The following LARGE1 variants were observed in gnomAD, a reference collection of about 807,000 sequenced individuals.
The protein encoded by LARGE1 is xylosyl- and glucuronyltransferase LARGE1.
In LARGE1, 43 loss-of-function variants were observed where a neutral mutation model predicts 87.6. That is an observed-to-expected ratio of 0.49 (90% CI 0.38 to 0.63). The LOEUF (loss-of-function observed/expected upper bound fraction) is 0.63. LARGE1 is among the 30% of genes least tolerant of loss of function. LARGE1 has a pLI of 0.00. For synonymous variants in LARGE1, 434 were observed against 394.6 expected (o/e 1.10, Z -1.18); for missense variants, 802 against 1,000.2 (o/e 0.80, Z 2.67).
chr22:33,366,363 A>G (rs1229630158), intron 9 of LARGE1, among the ~76,000 whole-genome samples: 2 of 152,222 alleles, frequency 1.3e-5, no homozygotes, highest in South Asian at 2.1e-4. Flanking sequence ...GGTTTTCACT[A>G]GTTACTATTT....
At chr22:33,474,895 C>T (rs2069005146) in intron 6 of LARGE1, among the ~76,000 whole-genome samples, 2 of 152,114 alleles carry the variant, frequency 1.3e-5, no homozygotes, top group Non-Finnish European at 2.9e-5. Context: ...AATCTTGAGG[C>T]AATTTTGTTC....
chr22:33,504,836 C>T (rs189490599), intron 6 of LARGE1, among the ~76,000 whole-genome samples: 1 of 152,292 alleles, frequency 6.6e-6, no homozygotes, highest in East Asian at 1.9e-4. Context: ...AAACATAATA[C>T]CTTAAATAGA....
intron 1 of LARGE1, among the ~76,000 whole-genome samples, chr22:33,874,547 T>G (rs1569004522): frequency 6.6e-6 from 1 of 152,232 alleles, no homozygotes; most frequent in Non-Finnish European, 1.5e-5. Flanking sequence ...TGTCCTGCTT[T>G]TACTGGAAAT....
At chr22:33,387,774 C>T (rs9619345) in intron 7 of LARGE1, among the ~76,000 whole-genome samples, 67,932 of 152,050 alleles carry the variant, frequency 0.45, 19,095 homozygotes, top group African/African-American at 0.8. Flanking sequence ...TTTTCTTTTG[C>T]GTGACTTTAA....
At chr22:33,908,975 G>A (rs1436309653) in intron 1 of LARGE1, among the ~76,000 whole-genome samples, 5 of 152,086 alleles carry the variant, frequency 3.3e-5, no homozygotes, top group Admixed American at 1.3e-4. Context: ...AGGAAAAGAA[G>A]AATTTTCTCT....
At chr22:33,921,207 C>G (rs1486330605), upstream of LARGE1, among the ~76,000 whole-genome samples, 1 of 152,082 alleles carries the variant, frequency 6.6e-6, no homozygotes, top group East Asian at 2.0e-4. This position sits in a 1 kb window ranked among gnomAD's most constrained non-coding sequence, Gnocchi z 4.1. Flanking sequence ...GACTCCGCCC[C>G]GGTGCTTCTT....
chr22:33,503,726 G>A (rs1029644524), intron 6 of LARGE1, among the ~76,000 whole-genome samples: 4 of 151,586 alleles, frequency 2.6e-5, no homozygotes, highest in African/African-American at 9.7e-5. Flanking sequence ...TTGAACCCGG[G>A]AGGTGGAGGT....
At chr22:33,691,138 A>G (rs1413335291) in intron 2 of LARGE1, among the ~76,000 whole-genome samples, 1 of 152,164 alleles carries the variant, frequency 6.6e-6, no homozygotes, top group Non-Finnish European at 1.5e-5. Context: ...ATGTCATTGA[A>G]AGAAATAAAT....
At chr22:33,697,902 G>A (rs2082299373) in intron 2 of LARGE1, among the ~76,000 whole-genome samples, 1 of 152,132 alleles carries the variant, frequency 6.6e-6, no homozygotes, top group Non-Finnish European at 1.5e-5. Flanking sequence ...TGTTTCTTAG[G>A]CAGCACAAAG....
At chr22:33,089,325 TTCTTCTTCTTCTTCTTCTTCTTC>T in the LARGE1 span, among the ~76,000 whole-genome samples, 213 of 88,108 alleles carry the variant, frequency 2.4e-3, 4 homozygotes, top group Middle Eastern at 0.031. Context: ...TTCTTCTTTC[TTCTTCTTCTTCTTCTTCTTCTTC>T]TTCTTCTTCT....
At chr22:33,115,815 C>CAA in the LARGE1 span, among the ~76,000 whole-genome samples, 3,637 of 97,284 alleles carry the variant, frequency 0.037, 157 homozygotes, top group African/African-American at 0.08. Flanking sequence ...GACTCTGTCT[C>CAA]AAAAAAAAAA....
intron 2 of LARGE1, among the ~76,000 whole-genome samples, chr22:33,718,796 G>C (rs1456952764): frequency 6.6e-6 from 1 of 152,126 alleles, no homozygotes; most frequent in East Asian, 1.9e-4. Flanking sequence ...CTTTTTTTCT[G>C]AGATGGAGTC....
At chr22:33,847,376 T>C (rs1309837030) in intron 1 of LARGE1, among the ~76,000 whole-genome samples, 1 of 152,236 alleles carries the variant, frequency 6.6e-6, no homozygotes, top group Non-Finnish European at 1.5e-5. Context: ...ATATAGAATA[T>C]TAGATATTCA....
chr22:33,756,176 G>C (rs1329941813), intron 2 of LARGE1, among the ~76,000 whole-genome samples: 1 of 152,144 alleles, frequency 6.6e-6, no homozygotes, highest in Non-Finnish European at 1.5e-5. Context: ...AGTCCACAGT[G>C]GATCCAGGAG....
In LARGE1 at chr22:33,499,286, T is replaced by C. The variant is rs562521595; in HGVS notation, c.787+65562A>G. Among the ~76,000 whole-genome samples, 28 of 152,320 alleles carry C rather than the reference T, an allele frequency of 1.8e-4. No individual in the cohort carries two copies. The South Asian group carries it at 5.6e-3, about 30-fold the overall frequency. ...CTTCCTCCTATTTCCTACTCTCTTC[T>C]CTCATTTTGTGGCAGCCGTTCGGTT... On this transcript the variant is annotated intron_variant, in intron 6 of 14. Coordinates refer to ENST00000397394, the MANE Select transcript of LARGE1 (RefSeq NM_133642.5).
At chr22:33,673,829 AC>A in intron 2 of LARGE1, among the ~76,000 whole-genome samples, 6 of 73,744 alleles carry the variant, frequency 8.1e-5, no homozygotes, top group African/African-American at 3.9e-4. Flanking sequence ...CCTGGGTTAC[AC>A]GACCACGCCC....
chr22:33,487,256 A>G (rs2148255362), intron 6 of LARGE1, among the ~76,000 whole-genome samples: 1 of 152,354 alleles, frequency 6.6e-6, no homozygotes, highest in Non-Finnish European at 1.5e-5. Context: ...ATCGGGATAA[A>G]GAGTCTATTC....
At chr22:33,559,643 T>C (rs2077795672) in intron 6 of LARGE1, among the ~76,000 whole-genome samples, 1 of 152,198 alleles carries the variant, frequency 6.6e-6, no homozygotes, top group African/African-American at 2.4e-5. Flanking sequence ...GGTTTCAACA[T>C]AGGAACTTTG....
At position 33,551,514 on chromosome 22, in the gene LARGE1, T is replaced by G. The variant is rs186125503; in HGVS notation, c.787+13334A>C. On this transcript the variant is annotated intron_variant, in intron 6 of 14. Coordinates refer to ENST00000397394, the MANE Select transcript of LARGE1 (RefSeq NM_133642.5). ...ATGGAGAGTAGGAGTAACCCTGACT[T>G]TCATGTGGGATTCCCAGACAAGATA... is the stretch of plus-strand genomic sequence containing the variant. Among the ~76,000 whole-genome samples the G allele has an allele frequency of 7.9e-5, 12 of 152,274 alleles. No individual in the cohort carries two copies. In the East Asian group the frequency reaches 2.3e-3, roughly 29 times the overall value.
Sources: allele counts gnomAD v4.1 joint callset (sites outside exome capture counted in the v4.1 genomes callset), GRCh38; gene constraint gnomAD v4.1.1; non-coding constraint Gnocchi (gnomAD v3.1); transcripts MANE v1.5; gene names NCBI Gene and HGNC (gene_info 2026-07-23, HGNC 2026-07-21).